The following CDH12 variants were observed in gnomAD, a reference collection of about 807,000 sequenced individuals.
CDH12 encodes the protein cadherin 12.
CDH12 carries 41 observed loss-of-function variants against 74.1 expected under a neutral mutation model. The observed-to-expected ratio is 0.55, with a 90% CI of 0.43 to 0.72. CDH12 has a LOEUF of 0.72. Among genes scored for constraint, CDH12 ranks in the 30% least tolerant of loss-of-function variants. CDH12 has a pLI of 0.00. For missense variants in CDH12, 945 were observed against 977.2 expected (o/e 0.97, Z 0.44); for synonymous variants, 399 against 355.0 (o/e 1.12, Z -1.39).
intron 1 of CDH12, among the ~76,000 whole-genome samples, chr5:22,595,831 C>G (rs1736574035): frequency 6.6e-6 from 1 of 152,090 alleles, no homozygotes; most frequent in Non-Finnish European, 1.5e-5. Flanking sequence ...AATCCTAGCA[C>G]TTTGGGAGGC....
chr5:22,019,440 T>G lies in CDH12; in HGVS notation c.232-44055A>C, dbSNP rs539098332. 2.1e-4 allele frequency among the ~76,000 whole-genome samples: 32 copies of G among 152,254 alleles called. No homozygotes were observed. In the South Asian group the frequency reaches 6.0e-3, roughly 29 times the overall value. On this transcript the variant is annotated intron_variant, in intron 5 of 14. Coordinates refer to ENST00000382254, the MANE Select transcript of CDH12 (RefSeq NM_004061.5). Reference sequence around the variant, plus strand: ...AAAGTACCTATGTTGAAATTGTAACTCCAATGTGATTTTATTACAAGGTGG... The same window carrying G: ...AAAGTACCTATGTTGAAATTGTAACGCCAATGTGATTTTATTACAAGGTGG...
At chr5:22,348,891 T>C (rs1010246758) in intron 3 of CDH12, among the ~76,000 whole-genome samples, 4 of 152,186 alleles carry the variant, frequency 2.6e-5, no homozygotes, top group African/African-American at 4.8e-5. Flanking sequence ...GCCTGGCATA[T>C]AGAGCAGGCA....
chr5:22,357,708 G>A (rs1018742818), intron 3 of CDH12, among the ~76,000 whole-genome samples: 1 of 152,092 alleles, frequency 6.6e-6, no homozygotes, highest in African/African-American at 2.4e-5. Flanking sequence ...ATTATTAACA[G>A]TACAAATTGA....
At chr5:21,902,522 A>C (rs1337477235) in intron 6 of CDH12, among the ~76,000 whole-genome samples, 1 of 152,036 alleles carries the variant, frequency 6.6e-6, no homozygotes, top group Non-Finnish European at 1.5e-5. Context: ...TGTCCATTAT[A>C]TCTGAGAAGC....
chr5:21,975,478 T>C lies in CDH12; in HGVS notation c.232-93A>G, dbSNP rs1757030743. On this transcript the variant is annotated intron_variant, in intron 5 of 14. Coordinates refer to ENST00000382254, the MANE Select transcript of CDH12 (RefSeq NM_004061.5). ...GATGTGCCAAATTAAAAAGTCATAA[T>C]TTGCAATACAATTCCTTTAATCAAA... is the stretch of plus-strand genomic sequence containing the variant. 99 of 833,896 alleles carry C rather than the reference T, an allele frequency of 1.2e-4. 2 individuals are homozygous for C. The South Asian group carries it at 1.8e-3, about 15-fold the overall frequency. 51.7% of individuals were successfully genotyped at this position (833,896 alleles called of 1,614,324 possible).
At chr5:22,470,470 A>G (rs1745913199) in intron 2 of CDH12, among the ~76,000 whole-genome samples, 1 of 150,750 alleles carries the variant, frequency 6.6e-6, no homozygotes, top group Non-Finnish European at 1.5e-5. Flanking sequence ...TCAGGCTGGA[A>G]AACAGTGGCG....
intron 5 of CDH12, among the ~76,000 whole-genome samples, chr5:21,985,504 A>G (rs982277936): frequency 4.6e-5 from 7 of 152,154 alleles, no homozygotes; most frequent in African/African-American, 1.2e-4. Flanking sequence ...CTTGAAATCT[A>G]TGATTATAAG....
At chr5:22,581,784 T>C (rs1429214269) in intron 1 of CDH12, among the ~76,000 whole-genome samples, 1 of 152,198 alleles carries the variant, frequency 6.6e-6, no homozygotes, top group Non-Finnish European at 1.5e-5. Flanking sequence ...ATATGTTACC[T>C]GATGCTTTTG....
At chr5:22,484,952 T>C (rs1746528503) in intron 2 of CDH12, among the ~76,000 whole-genome samples, 1 of 152,158 alleles carries the variant, frequency 6.6e-6, no homozygotes, top group Admixed American at 6.5e-5. Context: ...TCAAGGGTCT[T>C]TGGATACATA....
intron 1 of CDH12, among the ~76,000 whole-genome samples, chr5:22,746,331 AG>A (rs1745296059): frequency 6.6e-6 from 1 of 152,202 alleles, no homozygotes; most frequent in Admixed American, 6.5e-5. Flanking sequence ...TTTTAAAAAA[AG>A]AAGGTCACCT....
chr5:22,370,027 T>G (rs1741210305), intron 3 of CDH12, among the ~76,000 whole-genome samples: 1 of 152,146 alleles, frequency 6.6e-6, no homozygotes. Context: ...TCAAGTATAT[T>G]GTTCCTGGAT....
chr5:22,524,568 T>C (rs1737187180), intron 1 of CDH12, among the ~76,000 whole-genome samples: 1 of 152,124 alleles, frequency 6.6e-6, no homozygotes, highest in South Asian at 2.1e-4. Context: ...GTTGACAGCA[T>C]AAAGAGACAA....
At chr5:22,302,627 CAT>C in intron 3 of CDH12, among the ~76,000 whole-genome samples, 1 of 151,996 alleles carries the variant, frequency 6.6e-6, no homozygotes, top group East Asian at 1.9e-4. Flanking sequence ...GTCATTGGAA[CAT>C]ATAAAATTCT....
At chr5:22,055,924 A>G (rs1361142735) in intron 5 of CDH12, among the ~76,000 whole-genome samples, 1 of 152,138 alleles carries the variant, frequency 6.6e-6, no homozygotes, top group Non-Finnish European at 1.5e-5. Flanking sequence ...GTTTGCACAT[A>G]TTGATAAAAA....
chr5:22,018,287 T>C (rs1737732968), intron 5 of CDH12, among the ~76,000 whole-genome samples: 1 of 152,162 alleles, frequency 6.6e-6, no homozygotes, highest in Admixed American at 6.5e-5. Context: ...TATGGGAGCT[T>C]ACCATAAAAA....
At chr5:22,452,679 A>G (rs957715626) in intron 2 of CDH12, among the ~76,000 whole-genome samples, 1 of 151,872 alleles carries the variant, frequency 6.6e-6, no homozygotes, top group Non-Finnish European at 1.5e-5. Flanking sequence ...TTTTTTAGAC[A>G]GGAACTCAAA....
Position 22,037,484 on chromosome 5 carries a change from C to G in CDH12, c.231+40962G>C, listed in dbSNP as rs185201277. Among the ~76,000 whole-genome samples the G allele has an allele frequency of 5.3e-5, 8 of 152,266 alleles. No individual in the cohort carries two copies. In the East Asian group the frequency reaches 1.2e-3, roughly 22 times the overall value. On this transcript the variant is annotated intron_variant, in intron 5 of 14. Transcript: ENST00000382254. ...CCCTGAAAAAGGCATGAAAACAAAT[C>G]CCTCCAAGAGGCCCCAGATGGAATG... is the stretch of plus-strand genomic sequence containing the variant.
chr5:22,663,105 T>A (rs1259332089), intron 1 of CDH12, among the ~76,000 whole-genome samples: 1 of 152,182 alleles, frequency 6.6e-6, no homozygotes, highest in East Asian at 1.9e-4. Flanking sequence ...TTTATGCAAA[T>A]ATATGCTCAT....
intron 1 of CDH12, among the ~76,000 whole-genome samples, chr5:22,768,544 T>C (rs1350431372): frequency 6.6e-6 from 1 of 152,088 alleles, no homozygotes; most frequent in Admixed American, 6.6e-5. Context: ...TAAAGTTTTG[T>C]TTTATGAAAA....
Sources: gnomAD v4.1 joint callset for allele counts (sites outside exome capture counted in the v4.1 genomes callset) on GRCh38, gnomAD v4.1.1 for gene constraint, MANE v1.5 for transcripts, NCBI Gene and HGNC (gene_info 2026-07-23, HGNC 2026-07-21) for gene names.